Variants in ZNF786 observed in about 807,000 individuals in gnomAD.
ZNF786 encodes the protein zinc finger protein 786.
A neutral mutation model predicts 63.1 loss-of-function variants in ZNF786; 56 were observed. The observed-to-expected ratio is 0.89, with a 90% CI of 0.72 to 1.11. ZNF786 has a LOEUF of 1.11. Ranked by LOEUF, ZNF786 falls within the 50% of genes least tolerant of loss-of-function variation. The pLI is 0.00. For synonymous variants in ZNF786, 485 were observed against 406.9 expected (o/e 1.19, Z -2.31); for missense variants, 1,213 against 1,041.8 (o/e 1.16, Z -2.26).
In ZNF786 at chr7:149,071,582, A is replaced by C; in HGVS notation, c.1190T>G (p.Phe397Cys). ...PCRAHTGEKP[F>C]QCAHCTKRFR... The stretch of plus-strand genomic sequence containing the variant: ...GCGCTTGGTGCAATGCGCACACTGG[A>C]AGGGCTTTTCTCCAGTATGCGCCCT... Residue 397 changes from phenylalanine (F) to cysteine (C), a missense_variant, in exon 4 of 4, where the codon TTC becomes TGC. Transcript: ENST00000491431. The C allele has an allele frequency of 6.2e-7, 1 of 1,610,682 alleles. No homozygotes were observed. The highest frequency in any genetic ancestry group is 8.5e-7 in the Non-Finnish European group (1 of 1,179,110).
In ZNF786 at chr7:149,071,133, G is replaced by T. The variant is rs375385648; in HGVS notation, c.1639C>A (p.Arg547Ser). The change falls in exon 4 of 4, where the codon CGC becomes AGC. Residue 547 changes from arginine to serine, a missense_variant. By Grantham distance (110) the Arg-to-Ser change is moderately radical. Transcript: ENST00000491431. The stretch of plus-strand genomic sequence containing the variant: ...TGGGCCTTCAGGATGCCCTTCAGGC[G>T]GAAGCGCTTGTCGCACTTCAGGCAC... The part of the protein sequence containing the change: ...FQCLKCDKRF[R>S]LKGILKAHQH... 3.0e-5 allele frequency: 49 copies of T among 1,611,464 alleles called. No homozygotes were observed. The highest frequency in any genetic ancestry group is 3.9e-5 in the Non-Finnish European group (46 of 1,179,098).
Position 149,071,997 on chromosome 7 carries a change from G to A in ZNF786, c.775C>T (p.Leu259=). The A allele has an allele frequency of 3.7e-6, 6 of 1,612,882 alleles. No homozygotes were observed. Among genetic ancestry groups the A allele is most frequent in the South Asian group, 1.1e-5 (1 of 91,084 alleles). ...GGGCCCCTCCCCGTGTGGGCCGCCAGATGGCGCAGCAGACACAGCTTCCGG... is the reference window on the plus strand; with the variant it reads ...GGGCCCCTCCCCGTGTGGGCCGCCAAATGGCGCAGCAGACACAGCTTCCGG... The part of the protein sequence containing the change: ...FRRKLCLLRH[L]AAHTGRGPFR... Residue 259 remains leucine, a synonymous_variant, in exon 4 of 4, where the codon CTG becomes TTG. Coordinates refer to ENST00000491431, the MANE Select transcript of ZNF786 (RefSeq NM_152411.4).
chr7:149,071,389 GT>G lies in ZNF786; in HGVS notation c.1382del (p.Asn461ThrfsTer28). 6.2e-7 allele frequency: 1 copy of G among 1,613,224 alleles called. No homozygotes were observed. Among genetic ancestry groups the G allele is most frequent in the Non-Finnish European group, 8.5e-7 (1 of 1,179,778 alleles). On this transcript the variant is annotated frameshift_variant, in exon 4 of 4. Coordinates refer to ENST00000491431, the MANE Select transcript of ZNF786 (RefSeq NM_152411.4). LOFTEE classifies it high-confidence loss of function. ...GCAGCAGCTGTCCCCTCTGACGGAA[GT>G]TCCTGCCACACTTGGCACACCGGAA... ...KPFRCAKCGRNFRQRGQLLRH... is the reference protein window; with the variant it reads ...KPFRCAKCGRXFRQRGQLLRH...
At position 149,071,846 on chromosome 7, in the gene ZNF786, T is replaced by C. The variant is rs567851727; in HGVS notation, c.926A>G (p.Asp309Gly). 1.3e-6 allele frequency: 2 copies of C among 1,597,050 alleles called. No individual in the cohort carries two copies. Among genetic ancestry groups the C allele is most frequent in the East Asian group, 2.2e-5 (1 of 44,718 alleles). Residue 309 changes from aspartate (D) to glycine (G), a missense_variant, in exon 4 of 4, where the codon GAC becomes GGC. Asp to Gly is a moderately conservative substitution (Grantham distance 94, BLOSUM62 -1). Transcript: ENST00000491431. ...CTGGCACCGGCGAGCCTGCGTGCTG[T>C]CCACTGGGAGGGAGCGCTTGCCGCA... ...TPCGKRSLPV[D>G]STQARRCQHS...
At chr7:149,076,276 G>A (rs902339595) in intron 2 of ZNF786, among the ~76,000 whole-genome samples, 1 of 151,318 alleles carries the variant, frequency 6.6e-6, no homozygotes, top group Non-Finnish European at 1.5e-5. Flanking sequence ...CACCATACCT[G>A]GCTAATTTTT....
rs377609072 is a variant in ZNF786, at chr7:149,071,402, T to A, written c.1370A>T (p.Lys457Met). The change falls in exon 4 of 4, where the codon AAG becomes ATG. Residue 457 changes from lysine (K) to methionine (M), a missense_variant. Physicochemically the swap from Lys to Met is moderately conservative, Grantham distance 95 (BLOSUM62 -1). Transcript: ENST00000491431. ...HSGEKPFRCA[K>M]CGRNFRQRGQ... ...CCTCTGACGGAAGTTCCTGCCACAC[T>A]TGGCACACCGGAAAGGCTTCTCTCC... is the stretch of plus-strand genomic sequence containing the variant. 5 of 1,613,278 alleles carry A rather than the reference T, an allele frequency of 3.1e-6. No individual in the cohort carries two copies. Among genetic ancestry groups the A allele is most frequent in the African/African-American group, 1.3e-5 (1 of 74,920 alleles).
intron 1 of ZNF786, chr7:149,082,528 TA>T: frequency 2.1e-6 from 2 of 936,344 alleles, no homozygotes; most frequent in Non-Finnish European, 2.5e-6. Flanking sequence ...CTGCCATTGT[TA>T]TTGCCATATG....
intron 1 of ZNF786, among the ~76,000 whole-genome samples, chr7:149,081,817 T>C (rs1164021645): frequency 6.6e-6 from 1 of 152,130 alleles, no homozygotes; most frequent in African/African-American, 2.4e-5. Context: ...TGTTTGCCAA[T>C]GATATGATCC....
rs570729998 is a variant in ZNF786, at chr7:149,090,540, G to A, written c.18+83C>T. 121 of 1,379,816 alleles carry A rather than the reference G, an allele frequency of 8.8e-5. No homozygotes were observed. In the African/African-American group the frequency reaches 1.4e-3, roughly 16 times the overall value. 85.5% of individuals were successfully genotyped at this position (1,379,816 alleles called of 1,614,324 possible). A position where few individuals can be genotyped will look rare whatever the true frequency, so the allele number is the denominator to read the frequency against. ...CCCGTGCACCGCGCGCACTCACGGG[G>A]ACCCCAGGACACGGGCGAGCCCGGA... is the stretch of plus-strand genomic sequence containing the variant. On this transcript the variant is annotated intron_variant, in intron 1 of 3. Transcript: ENST00000491431.
chr7:149,090,494 C>T, intron 1 of ZNF786, 129 bp downstream of exon 1: 1 of 1,077,472 alleles, frequency 9.3e-7, no homozygotes, highest in South Asian at 3.1e-5. Flanking sequence ...CCAGCAGAAG[C>T]AGCCTGCAGA....
chr7:149,073,947 T>C (rs1026216536), intron 3 of ZNF786, among the ~76,000 whole-genome samples: 21 of 151,006 alleles, frequency 1.4e-4, no homozygotes, highest in African/African-American at 4.4e-4. Flanking sequence ...CCTGCCACCA[T>C]GCCCGGCTAA....
At chr7:149,077,846 T>G (rs1457922337) in intron 2 of ZNF786, among the ~76,000 whole-genome samples, 2 of 150,778 alleles carry the variant, frequency 1.3e-5, no homozygotes, top group Non-Finnish European at 2.9e-5. Flanking sequence ...CGAAACAAAT[T>G]AAAATGTAGC....
At chr7:149,074,363 G>A in intron 3 of ZNF786, 23 bp downstream of exon 3, 1 of 1,611,764 alleles carries the variant, frequency 6.2e-7, no homozygotes, top group East Asian at 2.2e-5. Context: ...TCAAGGTCGG[G>A]GCCCTGATTT....
rs377472285 is a variant in ZNF786, at chr7:149,071,293, C to G, written c.1479G>C (p.Glu493Asp). 4.7e-5 allele frequency: 76 copies of G among 1,612,010 alleles called. No individual in the cohort carries two copies. Among genetic ancestry groups the G allele is most frequent in the Non-Finnish European group, 6.1e-5 (72 of 1,179,520 alleles). The change falls in exon 4 of 4, where the codon GAG becomes GAC. Residue 493 changes from glutamate (E) to aspartate (D), a missense_variant. Transcript: ENST00000491431. ...CPECGLSFRL[E>D]SMLRAHRLRH... is the part of the protein sequence containing the mutation. ...GGAGCCGGTGGGCTCTCAGCATGCT[C>G]TCCAGGCGGAAGCTCAGCCCACACT... is the stretch of plus-strand genomic sequence containing the variant.
Position 149,074,404 on chromosome 7 carries a change from C to T in ZNF786, c.280G>A (p.Glu94Lys), listed in dbSNP as rs923357116. Residue 94 changes from glutamate (E) to lysine (K), a missense_variant, in exon 3 of 4, where the codon GAG becomes AAG. Coordinates refer to ENST00000491431, the MANE Select transcript of ZNF786 (RefSeq NM_152411.4). ...TACTCACCCCAAAACAGCTGTTCCT[C>T]AAAACCTGGATCAAAATGCATATCA... ...SVDMHFDPGFEEQLFWGSQQA... is the reference protein window; with the variant it reads ...SVDMHFDPGFKEQLFWGSQQA... 1.1e-5 allele frequency: 18 copies of T among 1,613,836 alleles called. No individual in the cohort carries two copies. Among genetic ancestry groups the T allele is most frequent in the Non-Finnish European group, 8.5e-6 (10 of 1,179,822 alleles).
chr7:149,086,835 G>T (rs1243723150), intron 1 of ZNF786, among the ~76,000 whole-genome samples: 1 of 133,182 alleles, frequency 7.5e-6, no homozygotes, highest in East Asian at 2.6e-4. Context: ...ACTTCCAACA[G>T]CGCAGATCCT....
chr7:149,082,293 AAG>A (rs1403020984), intron 1 of ZNF786, among the ~76,000 whole-genome samples: 1 of 152,188 alleles, frequency 6.6e-6, no homozygotes, highest in Non-Finnish European at 1.5e-5. Flanking sequence ...GCAGAAGACT[AAG>A]AGTTACTAGC....
In ZNF786 at chr7:149,080,662, T is replaced by G; in HGVS notation, c.74A>C (p.Asp25Ala). The G allele has an allele frequency of 6.2e-7, 1 of 1,611,520 alleles. No individual in the cohort carries two copies. The highest frequency in any genetic ancestry group is 8.5e-7 in the Non-Finnish European group (1 of 1,179,452). ...AAGTTCCTTCTGCCATGCCTCTAGA[T>G]CCTGCCATTCTTGCTCGGAGAAATA... is the stretch of plus-strand genomic sequence containing the variant. ...AIYFSEQEWQ[D>A]LEAWQKELYK... The change falls in exon 2 of 4, where the codon GAT (aspartate) becomes GCT (alanine). Residue 25 changes from aspartate to alanine, a missense_variant. Coordinates refer to ENST00000491431, the MANE Select transcript of ZNF786 (RefSeq NM_152411.4).
At chr7:149,083,358 AG>A (rs900225737) in intron 1 of ZNF786, among the ~76,000 whole-genome samples, 54 of 151,888 alleles carry the variant, frequency 3.6e-4, no homozygotes, top group African/African-American at 1.3e-3. Context: ...CTGGGATTAT[AG>A]GCGCCGGCCA....
Sources: gnomAD v4.1 joint callset for allele counts (sites outside exome capture counted in the v4.1 genomes callset) on GRCh38, gnomAD v4.1.1 for gene constraint, MANE v1.5 for transcripts, NCBI Gene and HGNC (gene_info 2026-07-23, HGNC 2026-07-21) for gene names.